The following DIP2C variants were observed in gnomAD, a reference collection of about 807,000 sequenced individuals.
DIP2C encodes the protein DIP2 acetate--CoA ligase C (putative), also known as disco-interacting protein 2 homolog C.
In DIP2C, 33 loss-of-function variants were observed where a neutral mutation model predicts 192.4. That is an observed-to-expected ratio of 0.17 (90% CI 0.13 to 0.23). The LOEUF is 0.23. DIP2C is among the 10% of genes least tolerant of loss of function. The pLI is 1.00. For synonymous variants in DIP2C, 979 were observed against 864.1 expected (o/e 1.13, Z -2.33); for missense variants, 1,537 against 2,110.1 (o/e 0.73, Z 5.32).
At chr10:375,571 A>G (rs538520473) in intron 17 of DIP2C, among the ~76,000 whole-genome samples, 18 of 152,304 alleles carry the variant, frequency 1.2e-4, no homozygotes, top group African/African-American at 4.1e-4. Context: ...AACCATTTGC[A>G]CCACTGACTT....
intron 4 of DIP2C, among the ~76,000 whole-genome samples, chr10:434,535 A>AGT (rs1183689123): frequency 6.6e-6 from 1 of 152,118 alleles, no homozygotes; most frequent in African/African-American, 2.4e-5. Context: ...GGCCTCCCAG[A>AGT]GTGTTAGGGT....
chr10:572,356 C>T (rs865808563), intron 1 of DIP2C, among the ~76,000 whole-genome samples: 1 of 152,206 alleles, frequency 6.6e-6, no homozygotes, highest in Admixed American at 6.5e-5. Flanking sequence ...GCATCCTGAG[C>T]GCCACAAAAA....
intron 1 of DIP2C, among the ~76,000 whole-genome samples, chr10:583,913 G>C (rs940552231): frequency 6.6e-6 from 1 of 152,164 alleles, no homozygotes; most frequent in South Asian, 2.1e-4. Flanking sequence ...CCTAGAGATC[G>C]CCTGTAATGA....
chr10:646,046 A>G (rs1033325452), intron 1 of DIP2C, among the ~76,000 whole-genome samples: 2 of 152,214 alleles, frequency 1.3e-5, no homozygotes, highest in Non-Finnish European at 2.9e-5. Flanking sequence ...TGTAGAGTTT[A>G]AGATTTATTT....
chr10:311,688 AGGGG>A (rs1339816918), intron 31 of DIP2C: 1 of 608,726 alleles, frequency 1.6e-6, no homozygotes, highest in Non-Finnish European at 2.3e-6. Context: ...GAGAAGAGGG[AGGGG>A]TGGGGAGGAG....
intron 1 of DIP2C, among the ~76,000 whole-genome samples, chr10:603,255 C>A (rs1044865803): frequency 7.8e-6 from 1 of 127,644 alleles, no homozygotes; most frequent in East Asian, 2.5e-4. Flanking sequence ...GCCGAGGCTG[C>A]GCCACTGTAC....
intron 3 of DIP2C, among the ~76,000 whole-genome samples, chr10:454,922 A>G (rs1589832944): frequency 6.6e-6 from 1 of 152,304 alleles, no homozygotes; most frequent in Middle Eastern, 3.4e-3. Flanking sequence ...TTAAATCTTT[A>G]GAAAAACCCA....
chr10:655,072 G>A (rs572468539), intron 1 of DIP2C, among the ~76,000 whole-genome samples: 8 of 152,230 alleles, frequency 5.3e-5, no homozygotes, highest in African/African-American at 1.9e-4. Flanking sequence ...GCCTAAACAT[G>A]CTCACAGTAG....
chr10:376,511 G>C (rs939058492), intron 17 of DIP2C, among the ~76,000 whole-genome samples: 13 of 152,184 alleles, frequency 8.5e-5, no homozygotes, highest in African/African-American at 2.6e-4. Context: ...GGTTGGGAGG[G>C]GGGGTCTTCC....
chr10:610,102 G>C (rs754290493), intron 1 of DIP2C, among the ~76,000 whole-genome samples: 1 of 152,204 alleles, frequency 6.6e-6, no homozygotes, highest in Non-Finnish European at 1.5e-5. Context: ...GGGATGAAGG[G>C]AATGTGGCCT....
At chr10:560,391 AAAG>A (rs1445708750) in intron 1 of DIP2C, among the ~76,000 whole-genome samples, 2 of 151,678 alleles carry the variant, frequency 1.3e-5, no homozygotes, top group Non-Finnish European at 3.0e-5. Context: ...TTAAAAAAAA[AAAG>A]AAAAAAGTGT....
chr10:529,564 CAG>C (rs1379406760), intron 1 of DIP2C, among the ~76,000 whole-genome samples: 2 of 151,938 alleles, frequency 1.3e-5, no homozygotes, highest in Non-Finnish European at 2.9e-5. Flanking sequence ...TATGGGAAAA[CAG>C]AAAAGACAGG....
intron 1 of DIP2C, chr10:663,887 A>C (rs570985468): frequency 5.6e-5 from 8 of 142,976 alleles, no homozygotes; most frequent in African/African-American, 2.4e-4. Flanking sequence ...TTAGCACCGC[A>C]GGTGCCAAGG....
At chr10:501,618 T>C (rs542699285) in intron 1 of DIP2C, among the ~76,000 whole-genome samples, 2 of 152,016 alleles carry the variant, frequency 1.3e-5, no homozygotes, top group African/African-American at 4.8e-5. Context: ...GCAAAACCGA[T>C]CGAAGAATAT....
intron 1 of DIP2C, among the ~76,000 whole-genome samples, chr10:595,598 G>GGA (rs1851654922): frequency 6.6e-6 from 1 of 152,050 alleles, no homozygotes; most frequent in Non-Finnish European, 1.5e-5. Context: ...GAACAAGGCA[G>GGA]GACACAAACT....
At chr10:667,439 A>T (rs1257276520) in intron 1 of DIP2C, 1 of 152,378 alleles carries the variant, frequency 6.6e-6, no homozygotes, top group East Asian at 1.9e-4. Flanking sequence ...AGGAGCAGTC[A>T]CGTGGATGCC....
chr10:409,606 C>T (rs994824705), intron 8 of DIP2C, among the ~76,000 whole-genome samples: 1 of 152,242 alleles, frequency 6.6e-6, no homozygotes, highest in Non-Finnish European at 1.5e-5. Context: ...GGAAAGTCCT[C>T]TGGGGCCACC....
rs1408137871 is a variant in DIP2C, at chr10:573,853, T to C, written c.86-87323A>G. Among the ~76,000 whole-genome samples, 5 of 152,142 alleles carry C rather than the reference T, an allele frequency of 3.3e-5. No homozygotes were observed. The East Asian group carries it at 9.6e-4, about 29-fold the overall frequency. The stretch of plus-strand genomic sequence containing the variant: ...AAACTCACAAATGAAATGCCAAGAA[T>C]AAAATGTATTTTATTCACAGAAGCA... On this transcript the variant is annotated intron_variant, in intron 1 of 36. Coordinates refer to ENST00000280886, the MANE Select transcript of DIP2C (RefSeq NM_014974.3).
intron 1 of DIP2C, among the ~76,000 whole-genome samples, chr10:604,138 C>T (rs925224779): frequency 9.2e-5 from 14 of 151,654 alleles, no homozygotes; most frequent in Non-Finnish European, 1.2e-4. Context: ...GGACACTGGA[C>T]CCACCTGGAC....
Sources: allele counts gnomAD v4.1 joint callset (sites outside exome capture counted in the v4.1 genomes callset), GRCh38; gene constraint gnomAD v4.1.1; transcripts MANE v1.5; gene names NCBI Gene and HGNC (gene_info 2026-07-23, HGNC 2026-07-21).